Variants in CAMTA1 observed in about 807,000 individuals in gnomAD.
The protein encoded by CAMTA1 is calmodulin binding transcription activator 1.
Under a neutral mutation model 170.9 loss-of-function variants are expected in CAMTA1, and 27 were observed. That is an observed-to-expected ratio of 0.16 (90% CI 0.12 to 0.22). The LOEUF (loss-of-function observed/expected upper bound fraction) is 0.22. CAMTA1 is among the 10% of genes least tolerant of loss of function. The pLI, the probability that CAMTA1 is intolerant of heterozygous loss-of-function variation, is 1.00. For missense variants in CAMTA1, 1,619 were observed against 2,217.2 expected (o/e 0.73, Z 5.42); for synonymous variants, 833 against 891.5 (o/e 0.93, Z 1.17).
chr1:7,627,609 A>G (rs1462682293), intron 6 of CAMTA1, among the ~76,000 whole-genome samples: 1 of 152,224 alleles, frequency 6.6e-6, no homozygotes, highest in Non-Finnish European at 1.5e-5. Flanking sequence ...CAAAGCTCAC[A>G]GCTAGGAGGT....
At chr1:7,531,139 T>C (rs557868255) in intron 6 of CAMTA1, among the ~76,000 whole-genome samples, 89 of 132,036 alleles carry the variant, frequency 6.7e-4, no homozygotes, top group African/African-American at 2.4e-3. Context: ...ATATGCTCAA[T>C]AAATGTTAAG....
chr1:7,030,415 T>A (rs1702623749), intron 3 of CAMTA1, among the ~76,000 whole-genome samples: 1 of 152,208 alleles, frequency 6.6e-6, no homozygotes, highest in South Asian at 2.1e-4. Flanking sequence ...CACCCCAAAA[T>A]GGCTTTGTTA....
chr1:7,339,249 T>C (rs2083614473), intron 5 of CAMTA1, among the ~76,000 whole-genome samples: 1 of 152,224 alleles, frequency 6.6e-6, no homozygotes, highest in Non-Finnish European at 1.5e-5. Flanking sequence ...AGCCACTCCA[T>C]TGTATGCTCC....
intron 11 of CAMTA1, among the ~76,000 whole-genome samples, chr1:7,679,570 T>C (rs1483834823): frequency 4.7e-5 from 5 of 106,332 alleles, no homozygotes; most frequent in African/African-American, 6.9e-5. Context: ...ACCTGCTCCC[T>C]AGCTGCCCCC....
At chr1:7,341,604 T>G (rs1291429160) in intron 5 of CAMTA1, among the ~76,000 whole-genome samples, 1 of 152,208 alleles carries the variant, frequency 6.6e-6, no homozygotes, top group African/African-American at 2.4e-5. Flanking sequence ...CCAGCTGGCA[T>G]TTGCCCAGCC....
intron 1 of CAMTA1, among the ~76,000 whole-genome samples, chr1:6,792,021 T>C (rs1469541007): frequency 1.3e-5 from 2 of 151,940 alleles, no homozygotes; most frequent in African/African-American, 4.8e-5. Flanking sequence ...AGGCACGATC[T>C]CCGCTCCCTG....
intron 5 of CAMTA1, among the ~76,000 whole-genome samples, chr1:7,429,796 C>G (rs2092066925): frequency 6.6e-6 from 1 of 152,160 alleles, no homozygotes; most frequent in African/African-American, 2.4e-5. Flanking sequence ...AGCATAGTGG[C>G]TTCTGGGGAG....
chr1:7,103,979 AAC>A (rs775440938), intron 4 of CAMTA1, among the ~76,000 whole-genome samples: 19 of 151,288 alleles, frequency 1.3e-4, no homozygotes, highest in East Asian at 5.9e-4. Context: ...ACGCACACAC[AAC>A]ACACAAGTAC....
At position 7,301,789 on chromosome 1, in the gene CAMTA1, C is replaced by T. The variant is rs141662909; in HGVS notation, c.438+52163C>T. Among the ~76,000 whole-genome samples the T allele has an allele frequency of 1.6e-3, 248 of 152,280 alleles. 1 individual carries two copies. The highest frequency in any genetic ancestry group is 5.5e-3 in the African/African-American group (229 of 41,556). On this transcript the variant is annotated intron_variant, in intron 5 of 22. Transcript: ENST00000303635. ...AGCCCACTTCTCGAGGGCAGCCTGGCCTCCTGCTACCCAGCAAGTGCTCTC... is the reference window on the plus strand; with the variant it reads ...AGCCCACTTCTCGAGGGCAGCCTGGTCTCCTGCTACCCAGCAAGTGCTCTC...
At chr1:7,011,745 C>T (rs1015595089) in intron 3 of CAMTA1, among the ~76,000 whole-genome samples, 6 of 152,194 alleles carry the variant, frequency 3.9e-5, no homozygotes, top group African/African-American at 7.2e-5. Context: ...CTCTACAAGG[C>T]GAGAAACTCT....
intron 6 of CAMTA1, among the ~76,000 whole-genome samples, chr1:7,584,995 A>G (rs1265921692): frequency 1.3e-5 from 2 of 152,230 alleles, no homozygotes; most frequent in African/African-American, 4.8e-5. Flanking sequence ...TACATAGACC[A>G]TATATTATGT....
chr1:6,920,115 C>T lies in CAMTA1; in HGVS notation c.234+94905C>T, dbSNP rs2149317937. 2.6e-5 allele frequency among the ~76,000 whole-genome samples: 4 copies of T among 152,328 alleles called. 1 individual carries two copies. Among genetic ancestry groups the T allele is most frequent in the Admixed American group, 2.6e-4 (4 of 15,298 alleles). On this transcript the variant is annotated intron_variant, in intron 3 of 22. Coordinates refer to ENST00000303635, the MANE Select transcript of CAMTA1 (RefSeq NM_015215.4). The stretch of plus-strand genomic sequence containing the variant: ...GAGTCTCATCTGAGACAAGGCAAGT[C>T]TCTTCTGGCTATGAGCCTGTAAAAT...
intron 4 of CAMTA1, among the ~76,000 whole-genome samples, chr1:7,159,584 C>T (rs537070706): frequency 2.4e-4 from 36 of 152,288 alleles, no homozygotes; most frequent in African/African-American, 7.7e-4. Flanking sequence ...TGCTCTGTCA[C>T]CCAGGCTGAA....
chr1:6,809,199 G>A (rs903657316), intron 1 of CAMTA1, among the ~76,000 whole-genome samples: 9 of 151,980 alleles, frequency 5.9e-5, no homozygotes, highest in Non-Finnish European at 1.2e-4. Context: ...GCTAATTTTC[G>A]TATTTTTAGT....
At chr1:6,911,943 A>G (rs1358152887) in intron 3 of CAMTA1, among the ~76,000 whole-genome samples, 1 of 151,140 alleles carries the variant, frequency 6.6e-6, no homozygotes, top group Admixed American at 6.6e-5. Context: ...GCTAAGATCA[A>G]CTCCCTTTGT....
In CAMTA1 at chr1:6,971,783, C is replaced by G. The variant is rs1448048833; in HGVS notation, c.235-119521C>G. ...GAAAGAGAAGAAAAGGCCAGGCCTG[C>G]CTGTGGCCGCCCCCGGGTCTCAGCA... On this transcript the variant is annotated intron_variant, in intron 3 of 22. Coordinates refer to ENST00000303635, the MANE Select transcript of CAMTA1 (RefSeq NM_015215.4). This position sits in a 1 kb window ranked among gnomAD's most constrained non-coding sequence, Gnocchi z 4.6. Among the ~76,000 whole-genome samples the G allele has an allele frequency of 6.6e-6, 1 of 152,220 alleles. No homozygotes were observed. Among genetic ancestry groups the G allele is most frequent in the African/African-American group, 2.4e-5 (1 of 41,452 alleles).
At chr1:7,241,944 T>C (rs185306024) in intron 4 of CAMTA1, among the ~76,000 whole-genome samples, 572 of 152,154 alleles carry the variant, frequency 3.8e-3, no homozygotes, top group African/African-American at 0.013. Context: ...AATTGATAAA[T>C]TGGAACTTAC....
chr1:7,068,811 G>A (rs12083052), intron 3 of CAMTA1, among the ~76,000 whole-genome samples: 3 of 152,010 alleles, frequency 2.0e-5, no homozygotes, highest in Non-Finnish European at 4.4e-5. Flanking sequence ...CATGCTGGGC[G>A]TGAAAATCTT....
intron 3 of CAMTA1, among the ~76,000 whole-genome samples, chr1:6,972,788 G>T (rs1290179697): frequency 6.6e-6 from 1 of 152,184 alleles, no homozygotes; most frequent in Admixed American, 6.5e-5. Flanking sequence ...TATTGTTTTG[G>T]TAAGAATGCT....
Sources: gnomAD v4.1 joint callset for allele counts (sites outside exome capture counted in the v4.1 genomes callset) on GRCh38, gnomAD v4.1.1 for gene constraint, Gnocchi (gnomAD v3.1) non-coding constraint, MANE v1.5 for transcripts, NCBI Gene and HGNC (gene_info 2026-07-23, HGNC 2026-07-21) for gene names.